CDH12: variants seen among roughly 807,000 people sequenced by gnomAD.
CDH12 encodes cadherin-12.
A neutral mutation model predicts 74.1 loss-of-function variants in CDH12; 41 were observed. That is an observed-to-expected ratio of 0.55 (90% CI 0.43 to 0.72). The LOEUF is 0.72. CDH12 is among the 30% of genes least tolerant of loss of function. The pLI, the probability that CDH12 is intolerant of heterozygous loss-of-function variation, is 0.00. For synonymous variants in CDH12, 399 were observed against 355.0 expected (o/e 1.12, Z -1.39); for missense variants, 945 against 977.2 (o/e 0.97, Z 0.44).
intron 3 of CDH12, among the ~76,000 whole-genome samples, chr5:22,315,674 A>G (rs1490482369): frequency 1.3e-5 from 2 of 152,196 alleles, no homozygotes; most frequent in African/African-American, 4.8e-5. Context: ...CTACAAAAAA[A>G]ATGTATTTTT....
intron 6 of CDH12, among the ~76,000 whole-genome samples, chr5:21,888,310 A>C (rs1752736696): frequency 6.6e-6 from 1 of 152,178 alleles, no homozygotes; most frequent in Non-Finnish European, 1.5e-5. Context: ...TACTTTTCAG[A>C]CTTTAAAAAG....
intron 4 of CDH12, among the ~76,000 whole-genome samples, chr5:22,182,039 C>T (rs1410269674): frequency 1.3e-5 from 2 of 152,086 alleles, no homozygotes; most frequent in South Asian, 2.1e-4. Flanking sequence ...GTATATCACT[C>T]CCCCACTCCA....
intron 1 of CDH12, among the ~76,000 whole-genome samples, chr5:22,510,155 A>G (rs1736542479): frequency 6.6e-6 from 1 of 152,208 alleles, no homozygotes; most frequent in Non-Finnish European, 1.5e-5. Flanking sequence ...GCCTTCAGAG[A>G]AAATGGAAGG....
chr5:22,705,895 A>G (rs1451108941), intron 1 of CDH12, among the ~76,000 whole-genome samples: 1 of 152,112 alleles, frequency 6.6e-6, no homozygotes, highest in South Asian at 2.1e-4. Context: ...AATGCTATAT[A>G]TATATACAAA....
chr5:22,661,440 CAT>C, intron 1 of CDH12, among the ~76,000 whole-genome samples: 1 of 152,132 alleles, frequency 6.6e-6, no homozygotes, highest in East Asian at 1.9e-4. Context: ...CTCAAATAAA[CAT>C]ATTCTTTCTG....
intron 3 of CDH12, among the ~76,000 whole-genome samples, chr5:22,261,782 G>GCC (rs796520314): frequency 5.3e-4 from 23 of 43,780 alleles, no homozygotes; most frequent in African/African-American, 1.9e-3. Context: ...AGGAGAGAAA[G>GCC]AAAGCCAAAA....
chr5:22,249,729 A>G (rs1318907327), intron 3 of CDH12, among the ~76,000 whole-genome samples: 3 of 152,206 alleles, frequency 2.0e-5, no homozygotes, highest in Non-Finnish European at 4.4e-5. Flanking sequence ...TCTCATGTTT[A>G]AAATTTGGAA....
intron 3 of CDH12, among the ~76,000 whole-genome samples, chr5:22,312,836 T>C (rs935180294): frequency 2.0e-5 from 3 of 152,228 alleles, no homozygotes; most frequent in Non-Finnish European, 4.4e-5. Flanking sequence ...TGGACATGAA[T>C]TGGAGAGTTC....
At chr5:22,420,582 A>G (rs78850233) in intron 2 of CDH12, among the ~76,000 whole-genome samples, 5,042 of 152,216 alleles carry the variant, frequency 0.033, 274 homozygotes, top group African/African-American at 0.12. Flanking sequence ...CTTGCCTTAT[A>G]GTATAGTTTG....
chr5:22,367,459 A>G (rs1411957126), intron 3 of CDH12, among the ~76,000 whole-genome samples: 3 of 152,144 alleles, frequency 2.0e-5, no homozygotes, highest in Non-Finnish European at 4.4e-5. Context: ...TATAAAATAT[A>G]TGTTGTTAGT....
At chr5:22,001,713 T>G (rs866895540) in intron 5 of CDH12, among the ~76,000 whole-genome samples, 22 of 152,152 alleles carry the variant, frequency 1.4e-4, no homozygotes, top group African/African-American at 4.8e-4. Flanking sequence ...CTGCATATAC[T>G]TTTTGCTGCT....
chr5:22,414,187 C>T (rs1743286914), intron 2 of CDH12, among the ~76,000 whole-genome samples: 1 of 151,926 alleles, frequency 6.6e-6, no homozygotes, highest in Non-Finnish European at 1.5e-5. Flanking sequence ...GCAAACATAA[C>T]TCTACATAAT....
At chr5:22,106,166 G>T (rs747567713) in intron 4 of CDH12, among the ~76,000 whole-genome samples, 1 of 152,096 alleles carries the variant, frequency 6.6e-6, no homozygotes, top group Non-Finnish European at 1.5e-5. Flanking sequence ...AGCAGGAAAG[G>T]TAACTATTGG....
chr5:22,511,111 T>C (rs1736588408), intron 1 of CDH12, among the ~76,000 whole-genome samples: 1 of 152,130 alleles, frequency 6.6e-6, no homozygotes. Context: ...GCCAAACTGA[T>C]CTTGAACTCC....
intron 4 of CDH12, among the ~76,000 whole-genome samples, chr5:22,193,634 C>CT (rs1750430672): frequency 6.6e-6 from 1 of 151,806 alleles, no homozygotes; most frequent in African/African-American, 2.4e-5. Context: ...TTCTTTGAAA[C>CT]TTTTTTCTTT....
At chr5:22,721,646 C>T (rs1743896291) in intron 1 of CDH12, among the ~76,000 whole-genome samples, 5 of 152,000 alleles carry the variant, frequency 3.3e-5, no homozygotes. Flanking sequence ...TGAGAGGGAC[C>T]AGGGACAGAA....
chr5:22,204,162 G>GGTTTTTTTTTTTTTTT lies in CDH12; in HGVS notation c.-187+8335_-187+8336insAAAAAAAAAAAAAAAC, dbSNP rs1554020485. On this transcript the variant is annotated intron_variant, in intron 4 of 14. Transcript: ENST00000382254. ...CACGTGTTTTTGTTTTGTTTTGTTT[G>GGTTTTTTTTTTTTTTT]TTTTTTTTTTTTTGTTTTTTGTTTT... Among the ~76,000 whole-genome samples, 5 of 129,844 alleles carry GGTTTTTTTTTTTTTTT rather than the reference G, an allele frequency of 3.9e-5. 1 individual carries two copies. Among genetic ancestry groups the GGTTTTTTTTTTTTTTT allele is most frequent in the Non-Finnish European group, 5.2e-5 (3 of 58,126 alleles). 85.2% of individuals were successfully genotyped at this position (129,844 alleles called of 152,430 possible).
chr5:22,188,443 C>A (rs1005778228), intron 4 of CDH12, among the ~76,000 whole-genome samples: 15 of 152,046 alleles, frequency 9.9e-5, no homozygotes, highest in Non-Finnish European at 1.9e-4. Context: ...AAAGGTATTC[C>A]TTTAGAGCAA....
At chr5:22,252,056 G>T (rs984494671) in intron 3 of CDH12, among the ~76,000 whole-genome samples, 2 of 151,824 alleles carry the variant, frequency 1.3e-5, no homozygotes, top group Admixed American at 6.6e-5. Flanking sequence ...CATTGAATTG[G>T]TGATATCTAT....
Sources: allele counts gnomAD v4.1 joint callset (sites outside exome capture counted in the v4.1 genomes callset), GRCh38; gene constraint gnomAD v4.1.1; transcripts MANE v1.5; gene names NCBI Gene and HGNC (gene_info 2026-07-23, HGNC 2026-07-21).